The following SLC35F2 variants were observed in gnomAD, a reference collection of about 807,000 sequenced individuals.
The protein encoded by SLC35F2 is solute carrier family 35 member F2, also known as queuine/queuosine transporter SLC35F2.
A neutral mutation model predicts 38.1 loss-of-function variants in SLC35F2; 25 were observed. The observed-to-expected ratio is 0.66, with a 90% CI of 0.48 to 0.92. SLC35F2 has a LOEUF of 0.92. Ranked by LOEUF, SLC35F2 falls within the 40% of genes least tolerant of loss-of-function variation. SLC35F2 has a pLI of 0.00. For synonymous variants in SLC35F2, 173 were observed against 181.7 expected, an observed-to-expected ratio of 0.95 and a Z score of 0.38; for missense variants, 409 against 452.9, an observed-to-expected ratio of 0.90 and a Z score of 0.88.
At chr11:107,820,177 C>T (rs1859645357) in intron 1 of SLC35F2, among the ~76,000 whole-genome samples, 1 of 150,996 alleles carries the variant, frequency 6.6e-6, no homozygotes, top group Admixed American at 6.6e-5. Context: ...ATCGCTTGAA[C>T]CTGAGAGGCA....
chr11:107,815,950 T>G lies in SLC35F2; in HGVS notation c.126A>C (p.Thr42=), dbSNP rs755954201. 6.2e-6 allele frequency: 10 copies of G among 1,609,288 alleles called. No individual in the cohort carries two copies. Among genetic ancestry groups the G allele is most frequent in the Non-Finnish European group, 8.5e-6 (10 of 1,178,992 alleles). Reference sequence around the variant, plus strand: ...AGGACAACATCTGACCCAGGGCAATTGTTTTCAAAATATTCCTAGAAAATA... The same window carrying G: ...AGGACAACATCTGACCCAGGGCAATGGTTTTCAAAATATTCCTAGAAAATA... ...GKLFTWNILK[T]IALGQMLSLC... is the part of the protein sequence containing the mutation. The change falls in exon 2 of 8, where the codon ACA becomes ACC. Residue 42 remains threonine (T), a synonymous_variant. Coordinates refer to ENST00000525815, the MANE Select transcript of SLC35F2 (RefSeq NM_017515.5).
At chr11:107,835,599 T>C (rs1050238737) in intron 1 of SLC35F2, among the ~76,000 whole-genome samples, 3 of 152,078 alleles carry the variant, frequency 2.0e-5, no homozygotes, top group East Asian at 1.9e-4. Flanking sequence ...CCAGCTAATT[T>C]TTTTATTTTT....
intron 1 of SLC35F2, among the ~76,000 whole-genome samples, chr11:107,847,297 T>A (rs1442570703): frequency 6.6e-6 from 1 of 152,172 alleles, no homozygotes; most frequent in Non-Finnish European, 1.5e-5. Flanking sequence ...GAAAGTTTCC[T>A]GTCTTGGTGT....
chr11:107,857,926 C>G (rs1481850329), intron 1 of SLC35F2, among the ~76,000 whole-genome samples: 2 of 152,202 alleles, frequency 1.3e-5, no homozygotes, highest in Non-Finnish European at 2.9e-5. Context: ...TGACACAGAG[C>G]GAGTGCCCAA....
intron 1 of SLC35F2, among the ~76,000 whole-genome samples, chr11:107,819,146 T>C (rs1747932744): frequency 6.6e-6 from 1 of 152,186 alleles, no homozygotes; most frequent in Non-Finnish European, 1.5e-5. Flanking sequence ...TTTCTATTTC[T>C]ATAGTAAAGT....
chr11:107,837,525 T>A (rs1379647594), intron 1 of SLC35F2, among the ~76,000 whole-genome samples: 12 of 121,818 alleles, frequency 9.9e-5, no homozygotes, highest in African/African-American at 9.4e-5. Context: ...CTGTCTCTAC[T>A]AAAAAAAAAA....
intron 1 of SLC35F2, among the ~76,000 whole-genome samples, chr11:107,854,528 T>G (rs569775332): frequency 6.6e-6 from 1 of 152,298 alleles, no homozygotes; most frequent in East Asian, 1.9e-4. Context: ...ATTTTTCACT[T>G]GAGTTGACAG....
chr11:107,839,712 G>A (rs956137501), intron 1 of SLC35F2, among the ~76,000 whole-genome samples: 3 of 152,156 alleles, frequency 2.0e-5, no homozygotes, highest in African/African-American at 7.2e-5. Context: ...GGATTGCAAT[G>A]GTGCGATCTC....
Position 107,792,161 on chromosome 11 carries a change from C to CGG in SLC35F2, c.*453_*454insCC, listed in dbSNP as rs767622537. ...GGCCTGTGGACAATAACTGCCTCAG[C>CGG]AAAAAAAAAAAAAAAAAAAAACCTT... On this transcript the variant is annotated 3_prime_UTR_variant, in exon 8 of 8. Coordinates refer to ENST00000525815, the MANE Select transcript of SLC35F2 (RefSeq NM_017515.5). 2 of 78,104 alleles carry CGG rather than the reference C, an allele frequency of 2.6e-5. No individual in the cohort carries two copies. Among genetic ancestry groups the CGG allele is most frequent in the Non-Finnish European group, 4.9e-5 (2 of 40,902 alleles). The allele number at this position is 78,104 out of a possible 1,614,324, so 4.8% of individuals were successfully genotyped here.
chr11:107,850,918 T>C (rs1035526225), intron 1 of SLC35F2, among the ~76,000 whole-genome samples: 6 of 151,754 alleles, frequency 4.0e-5, no homozygotes, highest in South Asian at 4.2e-4. Context: ...GAGGTTGAGA[T>C]GGGTGGATCA....
At chr11:107,841,110 C>A (rs542931) in intron 1 of SLC35F2, among the ~76,000 whole-genome samples, 53,126 of 152,076 alleles carry the variant, frequency 0.35, 9,568 homozygotes, top group South Asian at 0.49. Flanking sequence ...CACACAAGAA[C>A]GAGGATTATC....
At chr11:107,856,105 CA>C (rs1229189240) in intron 1 of SLC35F2, among the ~76,000 whole-genome samples, 68 of 95,664 alleles carry the variant, frequency 7.1e-4, no homozygotes, top group South Asian at 3.7e-3. Flanking sequence ...AACTCTGTCT[CA>C]AAAAAAAAAA....
At chr11:107,804,187 T>G (rs971421810) in intron 6 of SLC35F2, among the ~76,000 whole-genome samples, 1 of 152,068 alleles carries the variant, frequency 6.6e-6, no homozygotes, top group African/African-American at 2.4e-5. Context: ...GTAGACAATC[T>G]TCCATGACAC....
chr11:107,850,228 T>C (rs140880507), intron 1 of SLC35F2, among the ~76,000 whole-genome samples: 131 of 152,226 alleles, frequency 8.6e-4, no homozygotes, highest in Non-Finnish European at 1.4e-3. Flanking sequence ...CTTCAGCACA[T>C]AGGGGACATG....
chr11:107,825,066 C>A (rs994837287), intron 1 of SLC35F2, among the ~76,000 whole-genome samples: 8 of 152,216 alleles, frequency 5.3e-5, no homozygotes, highest in Non-Finnish European at 1.0e-4. Context: ...AGCCAGGGAT[C>A]AGCATTGTGC....
intron 7 of SLC35F2, among the ~76,000 whole-genome samples, chr11:107,797,332 G>GGTT (rs201708747): frequency 0.033 from 5,080 of 152,034 alleles, 117 homozygotes; most frequent in African/African-American, 0.064. Context: ...GAGGGAAAAG[G>GGTT]AAGAGAAAGA....
At chr11:107,830,727 A>G (rs1005086440) in intron 1 of SLC35F2, among the ~76,000 whole-genome samples, 3 of 152,148 alleles carry the variant, frequency 2.0e-5, no homozygotes, top group Non-Finnish European at 4.4e-5. Flanking sequence ...CATCACATGT[A>G]TTTGCCTTCA....
At chr11:107,812,539 C>T (rs181802205) in intron 2 of SLC35F2, among the ~76,000 whole-genome samples, 17 of 141,968 alleles carry the variant, frequency 1.2e-4, no homozygotes, top group East Asian at 2.4e-4. Context: ...GAGGGCAGGG[C>T]GGGAGAAGAG....
intron 1 of SLC35F2, chr11:107,824,069 T>G (rs1430686712): frequency 2.3e-6 from 2 of 881,054 alleles, no homozygotes; most frequent in Non-Finnish European, 2.7e-6. Flanking sequence ...ATGTATCATC[T>G]AATTCTAGTA....
Sources: gnomAD v4.1 joint callset for allele counts (sites outside exome capture counted in the v4.1 genomes callset) on GRCh38, gnomAD v4.1.1 for gene constraint, MANE v1.5 for transcripts, NCBI Gene and HGNC (gene_info 2026-07-23, HGNC 2026-07-21) for gene names.